LEPR: variants seen among roughly 807,000 people sequenced by gnomAD.
LEPR encodes leptin receptor.
A neutral mutation model predicts 114.7 loss-of-function variants in LEPR; 56 were observed. That is an observed-to-expected ratio of 0.49 (90% confidence interval 0.39 to 0.61). The LOEUF is 0.61. Among genes scored for constraint, LEPR ranks in the 20% least tolerant of loss-of-function variants. LEPR has a pLI of 0.00. For synonymous variants in LEPR, 443 were observed against 461.4 expected, an observed-to-expected ratio of 0.96 and a Z score of 0.51; for missense variants, 1,202 against 1,352.9, an observed-to-expected ratio of 0.89 and a Z score of 1.75.
chr1:65,500,038 A>G (rs1409777793), intron 2 of LEPR, among the ~76,000 whole-genome samples: 1 of 152,046 alleles, frequency 6.6e-6, no homozygotes, highest in Non-Finnish European at 1.5e-5. Context: ...TGCTCTCATA[A>G]TAGTGAATGA....
At chr1:65,502,333 G>A (rs926898140) in intron 2 of LEPR, among the ~76,000 whole-genome samples, 4 of 152,120 alleles carry the variant, frequency 2.6e-5, no homozygotes, top group Admixed American at 6.6e-5. Flanking sequence ...CAAGGAGAGA[G>A]GTTTTAGGAG....
chr1:65,525,303 G>C (rs1015403794), intron 2 of LEPR, among the ~76,000 whole-genome samples: 3 of 152,110 alleles, frequency 2.0e-5, no homozygotes, highest in African/African-American at 7.2e-5. Flanking sequence ...GAACCCCAGT[G>C]CCTATCTCAA....
intron 11 of LEPR, among the ~76,000 whole-genome samples, chr1:65,607,470 G>A (rs1010216880): frequency 1.3e-5 from 2 of 152,200 alleles, no homozygotes; most frequent in Non-Finnish European, 2.9e-5. Context: ...AGTTCTGGAG[G>A]AGATATTCCT....
chr1:65,598,915 C>T, intron 8 of LEPR, 111 bp downstream of exon 8: 1 of 1,493,470 alleles, frequency 6.7e-7, no homozygotes, highest in Non-Finnish European at 9.1e-7. Flanking sequence ...AGGAGGAACA[C>T]AGTATCAACT....
chr1:65,517,016 A>C (rs111291360), intron 2 of LEPR, among the ~76,000 whole-genome samples: 3,093 of 152,292 alleles, frequency 0.02, 48 homozygotes, highest in Admixed American at 0.028. Context: ...GCAGTCTCAA[A>C]TCTCTCATTA....
chr1:65,420,757 G>T lies in LEPR; in HGVS notation c.-97+17G>T. 6.3e-7 allele frequency: 1 copy of T among 1,577,486 alleles called. No individual in the cohort carries two copies. Among genetic ancestry groups the T allele is most frequent in the South Asian group, 1.2e-5 (1 of 86,048 alleles). On this transcript the variant is annotated intron_variant, in intron 1 of 19. Coordinates refer to ENST00000349533, the MANE Select transcript of LEPR (RefSeq NM_002303.6). ...GCGTTAAAGGTACATCGCGGTCCCCGGCTCGCTTGTCGTGTGGTGGGGTTG... is the reference window on the plus strand; with the variant it reads ...GCGTTAAAGGTACATCGCGGTCCCCTGCTCGCTTGTCGTGTGGTGGGGTTG...
intron 2 of LEPR, among the ~76,000 whole-genome samples, chr1:65,442,507 G>A (rs1409693360): frequency 1.3e-5 from 2 of 152,102 alleles, no homozygotes; most frequent in Non-Finnish European, 2.9e-5. Context: ...TTGGGCACAT[G>A]TTCTCAGGAT....
At chr1:65,516,015 G>A (rs980936367) in intron 2 of LEPR, among the ~76,000 whole-genome samples, 2 of 152,042 alleles carry the variant, frequency 1.3e-5, no homozygotes, top group African/African-American at 4.8e-5. Context: ...TTGCTTATTA[G>A]CTATTTGGTT....
intron 2 of LEPR, chr1:65,526,024 AC>A: frequency 4.7e-6 from 4 of 847,618 alleles, no homozygotes; most frequent in Non-Finnish European, 5.7e-6. Context: ...ACGCCGGGCG[AC>A]TCTCGGCTCC....
At chr1:65,426,839 ATAC>A (rs1466194669) in intron 2 of LEPR, among the ~76,000 whole-genome samples, 2 of 152,192 alleles carry the variant, frequency 1.3e-5, no homozygotes, top group Admixed American at 1.3e-4. Context: ...TCTACTAAAA[ATAC>A]AAAAAATTAG....
At chr1:65,463,754 G>T (rs1646975663) in intron 2 of LEPR, among the ~76,000 whole-genome samples, 1 of 152,036 alleles carries the variant, frequency 6.6e-6, no homozygotes, top group African/African-American at 2.4e-5. Context: ...TTGTAAGTTG[G>T]ATTCCTAGGT....
At chr1:65,421,889 A>G (rs1040975598) in intron 1 of LEPR, among the ~76,000 whole-genome samples, 6 of 152,246 alleles carry the variant, frequency 3.9e-5, no homozygotes, top group African/African-American at 1.4e-4. Flanking sequence ...TCTGAAATGG[A>G]AACGGACTAA....
intron 2 of LEPR, among the ~76,000 whole-genome samples, chr1:65,543,782 T>C (rs533380153): frequency 1.3e-5 from 2 of 152,026 alleles, no homozygotes; most frequent in Non-Finnish European, 2.9e-5. Flanking sequence ...TGGTTGTAGA[T>C]GTGTGGCATT....
At chr1:65,488,194 T>TTCTTTCTTTCTCTCTCTCTCTC (rs1290744189) in intron 2 of LEPR, among the ~76,000 whole-genome samples, 1 of 22,974 alleles carries the variant, frequency 4.4e-5, no homozygotes, top group Admixed American at 4.7e-4. Flanking sequence ...CTTTCTTTCT[T>TTCTTTCTTTCTCTCTCTCTCTC]TCTTTCTTTC....
chr1:65,553,795 TG>T (rs775455668), intron 2 of LEPR, among the ~76,000 whole-genome samples: 3 of 152,324 alleles, frequency 2.0e-5, no homozygotes, highest in Middle Eastern at 3.4e-3. Flanking sequence ...TTCTGGTTTT[TG>T]GAATTTTAAG....
chr1:65,545,762 G>C (rs1570654552), intron 2 of LEPR, among the ~76,000 whole-genome samples: 1 of 152,056 alleles, frequency 6.6e-6, no homozygotes. Context: ...TAGGTTGCCT[G>C]TTCACTCTGA....
At chr1:65,576,366 C>G (rs1020747075) in intron 5 of LEPR, 1 of 152,750 alleles carries the variant, frequency 6.5e-6, no homozygotes, top group Non-Finnish European at 1.5e-5. Context: ...CCAATTCATG[C>G]TCTTCATTAT....
At chr1:65,473,479 AC>A (rs1647116031) in intron 2 of LEPR, among the ~76,000 whole-genome samples, 3 of 152,226 alleles carry the variant, frequency 2.0e-5, no homozygotes, top group Admixed American at 6.5e-5. Context: ...AATGACAATC[AC>A]ATACTTCAAT....
chr1:65,423,688 T>C (rs1399118234), intron 1 of LEPR, among the ~76,000 whole-genome samples: 5 of 152,212 alleles, frequency 3.3e-5, no homozygotes, highest in African/African-American at 1.2e-4. Flanking sequence ...AGATGTTTTT[T>C]AAAAAGCACT....
Sources: gnomAD v4.1 joint callset for allele counts (sites outside exome capture counted in the v4.1 genomes callset) on GRCh38, gnomAD v4.1.1 for gene constraint, MANE v1.5 for transcripts, NCBI Gene and HGNC (gene_info 2026-07-23, HGNC 2026-07-21) for gene names.